Variants in SAMD4A observed in about 807,000 individuals in gnomAD.
SAMD4A encodes the protein protein Smaug homolog 1.
SAMD4A carries 33 observed loss-of-function variants against 81.3 expected under a neutral mutation model. That is an observed-to-expected ratio of 0.41 (90% CI 0.31 to 0.54). SAMD4A has a LOEUF of 0.54. Among genes scored for constraint, SAMD4A ranks in the 20% least tolerant of loss-of-function variants. The probability of loss-of-function intolerance (pLI) is 0.37; values close to 1 mark genes in which losing one functional copy is unlikely to be tolerated. For missense variants in SAMD4A, 854 were observed against 951.1 expected (o/e 0.90, Z 1.34); for synonymous variants, 389 against 382.1 (o/e 1.02, Z -0.21).
At chr14:54,687,048 A>G (rs2036291133) in intron 2 of SAMD4A, among the ~76,000 whole-genome samples, 1 of 152,106 alleles carries the variant, frequency 6.6e-6, no homozygotes, top group Non-Finnish European at 1.5e-5. Context: ...GGGGTTATAC[A>G]TCTGCCCTTC....
At chr14:54,697,968 G>A (rs2036617291) in intron 2 of SAMD4A, among the ~76,000 whole-genome samples, 1 of 152,172 alleles carries the variant, frequency 6.6e-6, no homozygotes, top group Non-Finnish European at 1.5e-5. Flanking sequence ...TCCCCAGAGT[G>A]AGTACTCGGA....
chr14:54,688,364 C>T (rs1211047222), intron 2 of SAMD4A: 3 of 985,392 alleles, frequency 3.0e-6, no homozygotes, highest in Admixed American at 6.1e-5. Flanking sequence ...CAACTCTCCT[C>T]CTTGGAGCAG....
chr14:54,677,408 A>T (rs2036015996), intron 2 of SAMD4A, among the ~76,000 whole-genome samples: 1 of 152,234 alleles, frequency 6.6e-6, no homozygotes, highest in African/African-American at 2.4e-5. Context: ...CGCACATAGT[A>T]TTCTAATGTG....
chr14:54,763,367 T>C (rs2038454744), intron 7 of SAMD4A, among the ~76,000 whole-genome samples: 1 of 151,974 alleles, frequency 6.6e-6, no homozygotes, highest in Admixed American at 6.6e-5. Flanking sequence ...TAATAAAATT[T>C]AAAAAGTATA....
At chr14:54,589,416 A>G (rs1187915014) in intron 2 of SAMD4A, among the ~76,000 whole-genome samples, 1 of 152,144 alleles carries the variant, frequency 6.6e-6, no homozygotes, top group African/African-American at 2.4e-5. Flanking sequence ...TGGATTTTCC[A>G]TGTTGATTTT....
intron 2 of SAMD4A, among the ~76,000 whole-genome samples, chr14:54,675,521 G>T (rs562793198): frequency 1.3e-5 from 2 of 152,318 alleles, no homozygotes; most frequent in East Asian, 1.9e-4. Flanking sequence ...AAGCAATAGT[G>T]TAAGGACATG....
At chr14:54,618,437 T>C (rs1237457685) in intron 2 of SAMD4A, among the ~76,000 whole-genome samples, 2 of 152,222 alleles carry the variant, frequency 1.3e-5, no homozygotes, top group African/African-American at 4.8e-5. Context: ...TTCAGCAGTA[T>C]CTACTGAGAA....
chr14:54,682,094 G>C (rs1299150299), intron 2 of SAMD4A: 1 of 976,998 alleles, frequency 1.0e-6, no homozygotes, highest in African/African-American at 1.8e-5. Context: ...AGGAATCTCC[G>C]GATCCCTGTT....
intron 4 of SAMD4A, among the ~76,000 whole-genome samples, chr14:54,738,840 G>T (rs1356570981): frequency 6.6e-6 from 1 of 152,164 alleles, no homozygotes; most frequent in Admixed American, 6.6e-5. Flanking sequence ...TCCAGGTGAA[G>T]TTCAGTGTCT....
chr14:54,681,933 A>G (rs1409016353), intron 2 of SAMD4A: 1 of 985,350 alleles, frequency 1.0e-6, no homozygotes, highest in Non-Finnish European at 1.2e-6. Flanking sequence ...ATCCCACTTT[A>G]GGAGGAAATG....
intron 4 of SAMD4A, among the ~76,000 whole-genome samples, chr14:54,748,280 T>C (rs555565444): frequency 3.3e-5 from 5 of 152,332 alleles, no homozygotes; most frequent in African/African-American, 1.2e-4. Context: ...GACTCCACCA[T>C]TTTCCTATCA....
chr14:54,575,896 C>G (rs545370812), intron 2 of SAMD4A, among the ~76,000 whole-genome samples: 2 of 151,648 alleles, frequency 1.3e-5, no homozygotes, highest in African/African-American at 4.8e-5. Context: ...TGAAGAAGGC[C>G]GGAGAATTTC....
intron 2 of SAMD4A, among the ~76,000 whole-genome samples, chr14:54,591,872 T>C (rs1457496895): frequency 6.6e-6 from 1 of 152,234 alleles, no homozygotes; most frequent in Non-Finnish European, 1.5e-5. Context: ...AGAGGGGGCC[T>C]GGAGTCTGAT....
At chr14:54,753,977 C>T (rs1318382283) in intron 6 of SAMD4A, among the ~76,000 whole-genome samples, 2 of 152,180 alleles carry the variant, frequency 1.3e-5, no homozygotes, top group African/African-American at 4.8e-5. Flanking sequence ...GTACGGAAAA[C>T]ATTTTGCATA....
At chr14:54,591,298 G>T (rs1340647683) in intron 2 of SAMD4A, among the ~76,000 whole-genome samples, 1 of 152,086 alleles carries the variant, frequency 6.6e-6, no homozygotes, top group Non-Finnish European at 1.5e-5. Flanking sequence ...TGTATTCGTG[G>T]TTTTCACAGT....
chr14:54,658,882 G>A (rs1303559403), intron 2 of SAMD4A, among the ~76,000 whole-genome samples: 1 of 152,222 alleles, frequency 6.6e-6, no homozygotes, highest in African/African-American at 2.4e-5. Flanking sequence ...CATGCCCGTG[G>A]CTGGGCACCT....
intron 2 of SAMD4A, among the ~76,000 whole-genome samples, chr14:54,613,161 A>AAGG (rs2034405539): frequency 2.1e-5 from 2 of 93,540 alleles, no homozygotes; most frequent in Non-Finnish European, 4.9e-5. Flanking sequence ...AGGAAGGAAG[A>AAGG]GGGAAAGGGA....
At chr14:54,618,488 A>G (rs1421597955) in intron 2 of SAMD4A, among the ~76,000 whole-genome samples, 1 of 152,240 alleles carries the variant, frequency 6.6e-6, no homozygotes, top group Non-Finnish European at 1.5e-5. Flanking sequence ...TTTGACTTTG[A>G]GAAATCACAG....
chr14:54,784,355 G>C, intron 11 of SAMD4A, 182 bp from the exon 12 acceptor site: 1 of 1,556,896 alleles, frequency 6.4e-7, no homozygotes, highest in East Asian at 2.4e-5. Context: ...CAAGTTCACA[G>C]TGGACTGTGT....
Sources: allele counts gnomAD v4.1 joint callset (sites outside exome capture counted in the v4.1 genomes callset), GRCh38; gene constraint gnomAD v4.1.1; transcripts MANE v1.5; gene names NCBI Gene and HGNC (gene_info 2026-07-23, HGNC 2026-07-21).